NTN4: variants seen among roughly 807,000 people sequenced by gnomAD.
NTN4 encodes the protein netrin 4.
NTN4 carries 32 observed loss-of-function variants against 73.6 expected under a neutral mutation model. The observed-to-expected ratio is 0.44, with a 90% CI of 0.33 to 0.58. The LOEUF (loss-of-function observed/expected upper bound fraction) is 0.58. Among genes scored for constraint, NTN4 ranks in the 20% least tolerant of loss-of-function variants. NTN4 has a pLI of 0.04. For missense variants in NTN4, 654 were observed against 798.3 expected, an observed-to-expected ratio of 0.82 and a Z score of 2.18; for synonymous variants, 258 against 287.5, an observed-to-expected ratio of 0.90 and a Z score of 1.04.
At chr12:95,720,096 A>C (rs2121113332) in intron 3 of NTN4, among the ~76,000 whole-genome samples, 1 of 152,340 alleles carries the variant, frequency 6.6e-6, no homozygotes, top group Non-Finnish European at 1.5e-5. Flanking sequence ...CTTTCTGTAT[A>C]AATTCATTCC....
chr12:95,676,908 T>C (rs1030046961), intron 7 of NTN4, among the ~76,000 whole-genome samples: 1 of 152,152 alleles, frequency 6.6e-6, no homozygotes, highest in South Asian at 2.1e-4. Context: ...GTGAATACCA[T>C]GTATAACTCT....
intron 2 of NTN4, among the ~76,000 whole-genome samples, chr12:95,743,775 G>T (rs1466081634): frequency 6.6e-6 from 1 of 152,102 alleles, no homozygotes; most frequent in Admixed American, 6.5e-5. Flanking sequence ...TCTTGATAAT[G>T]CACCTTGTAT....
At chr12:95,726,771 A>C (rs1441652991) in intron 3 of NTN4, among the ~76,000 whole-genome samples, 2 of 152,102 alleles carry the variant, frequency 1.3e-5, no homozygotes, top group Non-Finnish European at 2.9e-5. Context: ...GACCTTCAGG[A>C]GTTCAGCCTT....
At chr12:95,769,472 C>T (rs995180568) in intron 2 of NTN4, among the ~76,000 whole-genome samples, 2 of 151,112 alleles carry the variant, frequency 1.3e-5, no homozygotes, top group East Asian at 3.9e-4. Context: ...ATGAACGACT[C>T]GCGAGTTGGG....
chr12:95,665,634 A>G (rs188561771), intron 9 of NTN4, 176 bp downstream of exon 9: 60 of 497,852 alleles, frequency 1.2e-4, no homozygotes, highest in Non-Finnish European at 1.6e-4. Flanking sequence ...ATGGAAGAGA[A>G]ATAATTTTTC....
chr12:95,677,332 T>C (rs968382177), intron 7 of NTN4, among the ~76,000 whole-genome samples: 4 of 152,060 alleles, frequency 2.6e-5, no homozygotes, highest in African/African-American at 9.7e-5. Context: ...TCAGTAATAC[T>C]TTCGTCTACT....
At chr12:95,702,176 T>A (rs2078489828) in intron 5 of NTN4, among the ~76,000 whole-genome samples, 1 of 151,068 alleles carries the variant, frequency 6.6e-6, no homozygotes, top group South Asian at 2.1e-4. Flanking sequence ...GCTGCTCGGG[T>A]GGCTGAGGCA....
intron 2 of NTN4, among the ~76,000 whole-genome samples, chr12:95,772,588 G>T (rs1337530247): frequency 1.3e-5 from 2 of 152,172 alleles, no homozygotes; most frequent in African/African-American, 4.8e-5. Context: ...TACTTAACGT[G>T]TCTGAAAATG....
intron 9 of NTN4, among the ~76,000 whole-genome samples, chr12:95,660,931 A>G (rs1592803607): frequency 6.6e-6 from 1 of 152,226 alleles, no homozygotes; most frequent in African/African-American, 2.4e-5. Flanking sequence ...CAGGGCAGGA[A>G]GTTGAGCATG....
chr12:95,775,299 G>A (rs559027109), intron 2 of NTN4, among the ~76,000 whole-genome samples: 6 of 152,274 alleles, frequency 3.9e-5, no homozygotes, highest in South Asian at 2.1e-4. Flanking sequence ...CTGAGGTACC[G>A]GGTTCATCTC....
chr12:95,735,418 C>T (rs2078768816), intron 3 of NTN4, among the ~76,000 whole-genome samples: 1 of 152,098 alleles, frequency 6.6e-6, no homozygotes, highest in Non-Finnish European at 1.5e-5. Context: ...GCACTAGGGG[C>T]TGCTACCACT....
chr12:95,717,153 A>G (rs1565894629), intron 3 of NTN4, among the ~76,000 whole-genome samples: 1 of 152,124 alleles, frequency 6.6e-6, no homozygotes, highest in African/African-American at 2.4e-5. Flanking sequence ...TACTGTATGA[A>G]GCAAGATGCT....
At position 95,787,047 on chromosome 12, in the gene NTN4, G is replaced by C. The variant is rs1338096916; in HGVS notation, c.477C>G (p.Tyr159Ter). 1 of 1,614,074 alleles carries C rather than the reference G, an allele frequency of 6.2e-7. No individual in the cohort carries two copies. Among genetic ancestry groups the C allele is most frequent in the Admixed American group, 1.7e-5 (1 of 60,004 alleles). The change falls in exon 2 of 10, where the codon TAC becomes TAG. Residue 159 changes from tyrosine (Y) to a stop codon, truncating the protein, a stop_gained. Coordinates refer to ENST00000343702, the MANE Select transcript of NTN4 (RefSeq NM_021229.4). LOFTEE classifies it high-confidence loss of function. ...DFGKTWKPYK[Y>*]FATNCSATFG... Reference sequence around the variant, plus strand: ...ATGTAGCGGAGCAGTTAGTCGCAAAGTACTTATAAGGCTTCCATGTTTTCC... The same window carrying C: ...ATGTAGCGGAGCAGTTAGTCGCAAACTACTTATAAGGCTTCCATGTTTTCC...
chr12:95,732,339 C>A (rs772121753), intron 3 of NTN4, among the ~76,000 whole-genome samples: 7 of 148,954 alleles, frequency 4.7e-5, no homozygotes, highest in Non-Finnish European at 8.9e-5. Context: ...ATCTCCTGTT[C>A]ATTTCCTTAA....
Position 95,790,663 on chromosome 12 carries a change from G to C in NTN4, c.-354C>G, listed in dbSNP as rs1375430017. The C allele has an allele frequency of 1.1e-5, 2 of 179,424 alleles. No homozygotes were observed. Among genetic ancestry groups the C allele is most frequent in the South Asian group, 3.5e-4 (2 of 5,744 alleles). 11.1% of individuals were successfully genotyped at this position (179,424 alleles called of 1,614,324 possible). ...GCCCGCAGCCGCCGCTGAACTTTGC[G>C]AGACCTTTCACTTCCCGGCCGCCGC... On this transcript the variant is annotated 5_prime_UTR_variant, in exon 1 of 10. Coordinates refer to ENST00000343702, the MANE Select transcript of NTN4 (RefSeq NM_021229.4). The surrounding 1 kb of genome is among the most constrained non-coding windows in gnomAD (Gnocchi z 6.5).
At chr12:95,694,034 T>C (rs890260218) in intron 5 of NTN4, among the ~76,000 whole-genome samples, 1 of 152,148 alleles carries the variant, frequency 6.6e-6, no homozygotes, top group Non-Finnish European at 1.5e-5. Flanking sequence ...CACCTTCCAC[T>C]AGAACTCTAG....
In NTN4 at chr12:95,728,768, C is replaced by T. The variant is rs1326418323; in HGVS notation, c.864+9098G>A. Among the ~76,000 whole-genome samples, 5 of 152,132 alleles carry T rather than the reference C, an allele frequency of 3.3e-5. No individual in the cohort carries two copies. In the East Asian group the frequency reaches 9.6e-4, roughly 29 times the overall value. On this transcript the variant is annotated intron_variant, in intron 3 of 9. Coordinates refer to ENST00000343702, the MANE Select transcript of NTN4 (RefSeq NM_021229.4). ...GTCCCCATCCAAATCTCATGTCAAA[C>T]TGTAATCCCCAGTGTTGGAGGTGGG...
intron 2 of NTN4, among the ~76,000 whole-genome samples, chr12:95,784,488 G>T (rs1050785779): frequency 6.6e-6 from 1 of 152,168 alleles, no homozygotes; most frequent in African/African-American, 2.4e-5. Flanking sequence ...GTCTGCTGAG[G>T]CCGGGCGCAG....
intron 2 of NTN4, among the ~76,000 whole-genome samples, chr12:95,765,562 T>G (rs1344690544): frequency 6.6e-6 from 1 of 152,228 alleles, no homozygotes; most frequent in African/African-American, 2.4e-5. Context: ...AAGATGTATT[T>G]GTACGTTAGT....
Sources: allele counts gnomAD v4.1 joint callset (sites outside exome capture counted in the v4.1 genomes callset), GRCh38; gene constraint gnomAD v4.1.1; non-coding constraint Gnocchi (gnomAD v3.1); transcripts MANE v1.5; gene names NCBI Gene and HGNC (gene_info 2026-07-23, HGNC 2026-07-21).